The following ORC2 variants were observed in gnomAD, a reference collection of about 807,000 sequenced individuals.
The protein encoded by ORC2 is origin recognition complex protein 2 homolog.
A neutral mutation model predicts 77.7 loss-of-function variants in ORC2; 37 were observed. The ratio of observed to expected loss-of-function variants is 0.48; its 90% CI spans 0.37 to 0.63. The LOEUF (loss-of-function observed/expected upper bound fraction) is 0.63, where lower values mean the gene tolerates loss of function less well. Ranked by LOEUF, ORC2 falls within the 20% of genes least tolerant of loss-of-function variation. The probability of loss-of-function intolerance (pLI) is 0.00; values close to 1 mark genes in which losing one functional copy is unlikely to be tolerated. For missense variants in ORC2, 557 were observed against 661.9 expected, an observed-to-expected ratio of 0.84 and a Z score of 1.74; for synonymous variants, 201 against 229.5, an observed-to-expected ratio of 0.88 and a Z score of 1.12.
In ORC2 at chr2:200,935,693, A is replaced by G; in HGVS notation, c.708+6T>C. ...CTTTAAGGTTAAAGTCTCTCTCTTCACTTACTGTTTTATCTCTTTTCATTC... is the reference window on the plus strand; with the variant it reads ...CTTTAAGGTTAAAGTCTCTCTCTTCGCTTACTGTTTTATCTCTTTTCATTC... On this transcript the variant is annotated splice_donor_region_variant and intron_variant, in intron 9 of 17. Transcript: ENST00000234296. 6.3e-7 allele frequency: 1 copy of G among 1,586,450 alleles called. No homozygotes were observed. The highest frequency in any genetic ancestry group is 8.6e-7 in the Non-Finnish European group (1 of 1,167,020).
chr2:200,933,915 A>G lies in ORC2; in HGVS notation c.768T>C (p.Asp256=), dbSNP rs149149549. Residue 256 remains aspartate (D), a synonymous_variant, in exon 10 of 18, where the codon GAT becomes GAC. Transcript: ENST00000234296. ...AHSSSKVLTS[D]RTLQKLKRAK... ...CTCTCTTTAGCTTCTGCAGTGTTCT[A>G]TCAGAGGTTAAAACTTTTGAACTGC... The G allele has an allele frequency of 2.5e-6, 4 of 1,611,104 alleles. No homozygotes were observed. Among genetic ancestry groups the G allele is most frequent in the Middle Eastern group, 1.7e-4 (1 of 5,992 alleles).
chr2:200,919,001 T>G (rs988745666), intron 15 of ORC2, among the ~76,000 whole-genome samples: 1 of 152,066 alleles, frequency 6.6e-6, no homozygotes, highest in Non-Finnish European at 1.5e-5. Context: ...AATTAATTTT[T>G]AAAATTTTTT....
At chr2:200,939,184 T>C (rs2041102822) in intron 7 of ORC2, among the ~76,000 whole-genome samples, 1 of 152,144 alleles carries the variant, frequency 6.6e-6, no homozygotes, top group Admixed American at 6.6e-5. Flanking sequence ...CGTGTATATA[T>C]AACTAAAAAA....
intron 6 of ORC2, 25 bp from the exon 7 acceptor site, chr2:200,941,304 GACTT>G: frequency 3.7e-6 from 6 of 1,602,192 alleles, no homozygotes; most frequent in Non-Finnish European, 5.1e-6. Flanking sequence ...AAAAAGCCAT[GACTT>G]ACTACGGACA....
Position 200,920,983 on chromosome 2 carries a change from ATTAAC to A in ORC2, c.1294+5_1294+9del, listed in dbSNP as rs1360662625. 3.3e-6 allele frequency: 5 copies of A among 1,528,578 alleles called. No individual in the cohort carries two copies. Among genetic ancestry groups the A allele is most frequent in the Non-Finnish European group, 4.4e-6 (5 of 1,135,096 alleles). The allele number at this position is 1,528,578 out of a possible 1,614,324, so 94.7% of individuals were successfully genotyped here. On this transcript the variant is annotated splice_donor_5th_base_variant and intron_variant, in intron 14 of 17. Transcript: ENST00000234296. ...ATCTCTAGAAGGAAAAATAGTAACA[ATTAAC>A]TTACTGAGAGGAGCATTGAGGTGGT...
At chr2:200,953,470 C>A (rs1402255412) in intron 4 of ORC2, among the ~76,000 whole-genome samples, 1 of 151,180 alleles carries the variant, frequency 6.6e-6, no homozygotes, top group Non-Finnish European at 1.5e-5. Context: ...GAAATTGGAA[C>A]CCTTGTACAC....
In ORC2 at chr2:200,921,054, C is replaced by G; in HGVS notation, c.1233G>C (p.Gln411His). Reference sequence around the variant, plus strand: ...GGTAAATGTTATGCAAAGATGACAACTGACCAATGATTTGCTGGCTCTTCT... The same window carrying G: ...GGTAAATGTTATGCAAAGATGACAAGTGACCAATGATTTGCTGGCTCTTCT... ...RGEKSQQIIG[Q>H]LSSLHNIYLI... is the part of the protein sequence containing the mutation. The change falls in exon 14 of 18, where the codon CAG (glutamine) becomes CAC (histidine). Residue 411 changes from glutamine (Q) to histidine (H), a missense_variant. Gln to His is a conservative substitution (Grantham distance 24). Transcript: ENST00000234296. 6.2e-7 allele frequency: 1 copy of G among 1,609,918 alleles called. No individual in the cohort carries two copies. The highest frequency in any genetic ancestry group is 8.5e-7 in the Non-Finnish European group (1 of 1,177,346).
At chr2:200,949,037 G>A (rs2041301176) in intron 5 of ORC2, among the ~76,000 whole-genome samples, 1 of 151,818 alleles carries the variant, frequency 6.6e-6, no homozygotes, top group Non-Finnish European at 1.5e-5. Flanking sequence ...TTTGGAGTTT[G>A]AGACCAACCT....
intron 15 of ORC2, among the ~76,000 whole-genome samples, chr2:200,915,004 T>C (rs12986879): frequency 2.9e-5 from 2 of 70,134 alleles, no homozygotes; most frequent in Non-Finnish European, 5.3e-5. Context: ...TTCCCACGTC[T>C]TTTTTTTTTT....
chr2:200,920,386 A>G lies in ORC2; in HGVS notation c.1302T>C (p.Asp434=). The part of the protein sequence containing the change: ...IDHLNAPLMW[D]HAKQSLFNWL... ...AGTTAAAAAGACTCTGCTTTGCATG[A>G]TCCCACACTAGCACATGATCAAAGA... Residue 434 remains aspartate, a synonymous_variant, in exon 15 of 18, where the codon GAT becomes GAC. Transcript: ENST00000234296. The G allele has an allele frequency of 6.3e-7, 1 of 1,576,922 alleles. No individual in the cohort carries two copies. The highest frequency in any genetic ancestry group is 1.3e-5 in the African/African-American group (1 of 74,236).
chr2:200,936,067 T>A (rs2041041055), intron 8 of ORC2, among the ~76,000 whole-genome samples, 175 bp from the exon 9 acceptor site: 1 of 152,224 alleles, frequency 6.6e-6, no homozygotes, highest in Non-Finnish European at 1.5e-5. Flanking sequence ...AGTTTATTTA[T>A]CAAATTAATA....
rs1307254281 is a variant in ORC2 at position 200,911,099 on chromosome 2, T to C, written c.*202A>G. The C allele has an allele frequency of 4.5e-6, 2 of 442,734 alleles. No homozygotes were observed. The highest frequency in any genetic ancestry group is 8.1e-6 in the Non-Finnish European group (2 of 245,452). The allele number at this position is 442,734 out of a possible 1,614,324, so 27.4% of individuals were successfully genotyped here. On this transcript the variant is annotated 3_prime_UTR_variant, in exon 18 of 18. Transcript: ENST00000234296. ...GAATGAAAGGCACATTTTCTCCAACTTGAGGACCGCTGCATAGTACTAGAC... is the reference window on the plus strand; with the variant it reads ...GAATGAAAGGCACATTTTCTCCAACCTGAGGACCGCTGCATAGTACTAGAC...
At chr2:200,935,410 A>C (rs1393692351) in intron 9 of ORC2, among the ~76,000 whole-genome samples, 3 of 152,230 alleles carry the variant, frequency 2.0e-5, no homozygotes, top group Non-Finnish European at 2.9e-5. Flanking sequence ...GGCATGAGCC[A>C]CTGTGCCCAG....
chr2:200,917,091 T>C (rs1378276496), intron 15 of ORC2, among the ~76,000 whole-genome samples: 2 of 148,636 alleles, frequency 1.3e-5, no homozygotes, highest in East Asian at 3.9e-4. Flanking sequence ...ACCTCCTGGG[T>C]TCAAGCGATT....
chr2:200,936,189 G>A (rs935021465), intron 8 of ORC2, among the ~76,000 whole-genome samples: 3 of 152,080 alleles, frequency 2.0e-5, no homozygotes, highest in Non-Finnish European at 4.4e-5. Context: ...ACCTAACACC[G>A]TTCTCCTTCC....
intron 4 of ORC2, among the ~76,000 whole-genome samples, chr2:200,949,965 G>A (rs1054865327): frequency 1.3e-5 from 2 of 152,084 alleles, no homozygotes; most frequent in Non-Finnish European, 2.9e-5. Context: ...GAGTTTTTTG[G>A]TTATATTTAT....
chr2:200,962,710 C>T (rs970783281), intron 1 of ORC2, among the ~76,000 whole-genome samples: 2 of 152,224 alleles, frequency 1.3e-5, no homozygotes, highest in African/African-American at 4.8e-5. Context: ...CAACATCTAA[C>T]AGAAAAACTG....
chr2:200,944,384 A>G (rs2041213872), intron 5 of ORC2, among the ~76,000 whole-genome samples: 1 of 151,932 alleles, frequency 6.6e-6, no homozygotes, highest in Admixed American at 6.6e-5. Flanking sequence ...CATGCTGGCC[A>G]GGCTAGTCTC....
Position 200,925,939 on chromosome 2 carries a change from C to A in ORC2, c.1051-7G>T. The A allele has an allele frequency of 1.4e-6, 2 of 1,391,004 alleles. No individual in the cohort carries two copies. Among genetic ancestry groups the A allele is most frequent in the Non-Finnish European group, 2.0e-6 (2 of 990,694 alleles). The allele number at this position is 1,391,004 out of a possible 1,614,324, so 86.2% of individuals were successfully genotyped here. The stretch of plus-strand genomic sequence containing the variant: ...CTGTTATAGAATTCAGGACCTATAT[C>A]ATGAATGTGGAAGAGGTACCACATT... On this transcript the variant is annotated splice_polypyrimidine_tract_variant and splice_region_variant and intron_variant, in intron 12 of 17. Transcript: ENST00000234296.
Sources: gnomAD v4.1 joint callset for allele counts (sites outside exome capture counted in the v4.1 genomes callset) on GRCh38, gnomAD v4.1.1 for gene constraint, MANE v1.5 for transcripts, NCBI Gene and HGNC (gene_info 2026-07-23, HGNC 2026-07-21) for gene names.